LRRC51: variants seen among roughly 807,000 people sequenced by gnomAD.
The protein encoded by LRRC51 is leucine-rich repeat-containing protein 51.
Under a neutral mutation model 17.8 loss-of-function variants are expected in LRRC51, and 8 were observed. The observed-to-expected ratio is 0.45, with a 90% CI of 0.26 to 0.81. The LOEUF (loss-of-function observed/expected upper bound fraction) is 0.81. LRRC51 is among the 30% of genes least tolerant of loss of function. The probability of loss-of-function intolerance (pLI) is 0.17; values close to 1 mark genes in which losing one functional copy is unlikely to be tolerated. For synonymous variants in LRRC51, 92 were observed against 96.0 expected, an observed-to-expected ratio of 0.96 and a Z score of 0.24; for missense variants, 233 against 239.3, an observed-to-expected ratio of 0.97 and a Z score of 0.17.
rs764275712 is a variant in LRRC51 at position 72,096,758 on chromosome 11, C to T, written c.*1238C>T. On this transcript the variant is annotated 3_prime_UTR_variant, in exon 6 of 6. Coordinates refer to ENST00000289488, the MANE Select transcript of LRRC51 (RefSeq NM_145309.6). ...TCTGTAGAGATGCCTCACAGGCCTCCATGACAGGCCAAGAAGATGGCCTAT... is the reference window on the plus strand; with the variant it reads ...TCTGTAGAGATGCCTCACAGGCCTCTATGACAGGCCAAGAAGATGGCCTAT... 4 of 1,488,508 alleles carry T rather than the reference C, an allele frequency of 2.7e-6. No homozygotes were observed. The South Asian group carries it at 5.3e-5, about 20-fold the overall frequency. 92.2% of individuals were successfully genotyped at this position (1,488,508 alleles called of 1,614,324 possible).
intron 3 of LRRC51, among the ~76,000 whole-genome samples, chr11:72,089,958 G>T (rs1448468521): frequency 6.6e-6 from 1 of 152,196 alleles, no homozygotes; most frequent in Non-Finnish European, 1.5e-5. Context: ...TAAAGCATCA[G>T]TCCATCTGTC....
At chr11:72,082,866 T>A (rs1225855747) in intron 1 of LRRC51, among the ~76,000 whole-genome samples, 1 of 150,234 alleles carries the variant, frequency 6.7e-6, no homozygotes, top group Non-Finnish European at 1.5e-5. Context: ...CACCCCCAAT[T>A]TTTTTTTTTT....
In LRRC51 at chr11:72,093,544, CA is replaced by C. The variant is rs748988495; in HGVS notation, c.134del (p.Lys45SerfsTer6). 6.2e-7 allele frequency: 1 copy of C among 1,614,194 alleles called. No individual in the cohort carries two copies. On this transcript the variant is annotated frameshift_variant, in exon 4 of 6. Coordinates refer to ENST00000289488, the MANE Select transcript of LRRC51 (RefSeq NM_145309.6). LOFTEE classifies it high-confidence loss of function. ...PRTGLRPLKR[S>X]KSGKSLTQSL... ...ACAGGACTACGACCACTGAAGCGTT[CA>C]AAGTCGGGGAAATCACTGACCCAGT...
intron 1 of LRRC51, chr11:72,086,498 A>T: frequency 1.4e-6 from 1 of 700,396 alleles, no homozygotes; most frequent in Non-Finnish European, 2.6e-6. Flanking sequence ...CTGAAACAGA[A>T]ATCCTCAGAA....
chr11:72,082,677 T>C (rs933628695), intron 1 of LRRC51, among the ~76,000 whole-genome samples: 3 of 152,198 alleles, frequency 2.0e-5, no homozygotes, highest in Admixed American at 1.3e-4. Context: ...TTCCATTTAC[T>C]TAATACCTCT....
chr11:72,089,164 A>G lies in LRRC51; in HGVS notation c.81A>G (p.Gln27=), dbSNP rs1944709384. The G allele has an allele frequency of 1.9e-6, 3 of 1,614,160 alleles. No homozygotes were observed. The highest frequency in any genetic ancestry group is 2.5e-6 in the Non-Finnish European group (3 of 1,180,006). ...DYSFRSIHVI[Q]DLVNEEPRTG... ...CCTTCAGAAGCATCCACGTCATTCA[A>G]GGTCAGCCCCCAGAGCACAGTACTC... is the stretch of plus-strand genomic sequence containing the variant. The change falls in exon 3 of 6, where the codon CAA becomes CAG. Residue 27 remains glutamine (Q), a splice_region_variant and synonymous_variant. Coordinates refer to ENST00000289488, the MANE Select transcript of LRRC51 (RefSeq NM_145309.6).
rs369105155 is a variant in LRRC51 at position 72,093,694 on chromosome 11, T to C, written c.281T>C (p.Ile94Thr). The C allele has an allele frequency of 5.9e-5, 96 of 1,614,092 alleles. No homozygotes were observed. The African/African-American group carries it at 8.3e-4, about 14-fold the overall frequency. Residue 94 changes from isoleucine to threonine, a missense_variant, in exon 4 of 6, where the codon ATT becomes ACT. Ile to Thr is a moderately conservative substitution (Grantham distance 89). Coordinates refer to ENST00000289488, the MANE Select transcript of LRRC51 (RefSeq NM_145309.6). Reference protein sequence around the residue: ...IDLSFNDLTSIDPVLTTFFNL... With the variant: ...IDLSFNDLTSTDPVLTTFFNL... ...CTGTCCTTTAATGACCTGACTTCCATTGACCCTGTGAGTTCCTAACAGTAG... is the reference window on the plus strand; with the variant it reads ...CTGTCCTTTAATGACCTGACTTCCACTGACCCTGTGAGTTCCTAACAGTAG...
At chr11:72,087,701 T>C (rs1342445656) in intron 1 of LRRC51, among the ~76,000 whole-genome samples, 2 of 152,188 alleles carry the variant, frequency 1.3e-5, no homozygotes, top group African/African-American at 4.8e-5. Flanking sequence ...TCACGTACAT[T>C]TGACAGGTAG....
chr11:72,094,480 C>G (rs1945054425), intron 4 of LRRC51: 1 of 565,910 alleles, frequency 1.8e-6, no homozygotes, highest in Non-Finnish European at 3.1e-6. Flanking sequence ...TAAAGTTTGG[C>G]CTTTTCTAGT....
chr11:72,089,602 C>CA (rs748292427), intron 3 of LRRC51: 186 of 1,184,652 alleles, frequency 1.6e-4, no homozygotes, highest in Non-Finnish European at 1.9e-4. Context: ...AGCAAGTAGG[C>CA]AAAACCTTTC....
chr11:72,093,398 C>A, intron 3 of LRRC51, 98 bp from the exon 4 acceptor site: 1 of 1,194,248 alleles, frequency 8.4e-7, no homozygotes, highest in Non-Finnish European at 1.2e-6. Context: ...GACCCTCCAG[C>A]TACAGCCTGG....
chr11:72,095,526 C>A lies in LRRC51; in HGVS notation c.*6C>A. 6.2e-7 allele frequency: 1 copy of A among 1,613,294 alleles called. No homozygotes were observed. The highest frequency in any genetic ancestry group is 2.2e-5 in the East Asian group (1 of 44,860). On this transcript the variant is annotated 3_prime_UTR_variant, in exon 6 of 6. Coordinates refer to ENST00000289488, the MANE Select transcript of LRRC51 (RefSeq NM_145309.6). ...CCAAGCAGAATACACTTTGAGGCTCCCACGACCCTAGTAGTCCTAAAGGCC... is the reference window on the plus strand; with the variant it reads ...CCAAGCAGAATACACTTTGAGGCTCACACGACCCTAGTAGTCCTAAAGGCC...
chr11:72,089,473 C>A, intron 3 of LRRC51: 1 of 1,305,050 alleles, frequency 7.7e-7, no homozygotes, highest in Non-Finnish European at 9.9e-7. Flanking sequence ...TAAAAGAAGC[C>A]AGGCTACAGC....
At chr11:72,091,051 G>A (rs1944829131) in intron 3 of LRRC51, among the ~76,000 whole-genome samples, 1 of 152,170 alleles carries the variant, frequency 6.6e-6, no homozygotes, top group African/African-American at 2.4e-5. Context: ...GCAGTGTAGT[G>A]CATTGGTGGA....
In LRRC51 at chr11:72,096,563, G is replaced by A; in HGVS notation, c.*1043G>A. 1 of 1,370,100 alleles carries A rather than the reference G, an allele frequency of 7.3e-7. No homozygotes were observed. Among genetic ancestry groups the A allele is most frequent in the Non-Finnish European group, 9.4e-7 (1 of 1,060,748 alleles). The allele number at this position is 1,370,100 out of a possible 1,614,324, so 84.9% of individuals were successfully genotyped here. A position where few individuals can be genotyped will look rare whatever the true frequency, so the allele number is the denominator to read the frequency against. On this transcript the variant is annotated 3_prime_UTR_variant, in exon 6 of 6. Coordinates refer to ENST00000289488, the MANE Select transcript of LRRC51 (RefSeq NM_145309.6). ...GCTCTAGTCTTATTTTGCTGAAAAA[G>A]GGAGGCAATTGAGGGAAAGGCCTGC... is the stretch of plus-strand genomic sequence containing the variant.
In LRRC51 at chr11:72,096,531, C is replaced by G. The variant is rs891187808; in HGVS notation, c.*1011C>G. ...AGGATTACAGGATAAGCCACTGCACCTGGCCAGCTCTAGTCTTATTTTGCT... is the reference window on the plus strand; with the variant it reads ...AGGATTACAGGATAAGCCACTGCACGTGGCCAGCTCTAGTCTTATTTTGCT... On this transcript the variant is annotated 3_prime_UTR_variant, in exon 6 of 6. Coordinates refer to ENST00000289488, the MANE Select transcript of LRRC51 (RefSeq NM_145309.6). 2.3e-6 allele frequency: 3 copies of G among 1,315,208 alleles called. No homozygotes were observed. Among genetic ancestry groups the G allele is most frequent in the South Asian group, 4.1e-5 (2 of 49,152 alleles). 81.5% of individuals were successfully genotyped at this position (1,315,208 alleles called of 1,614,324 possible).
rs1318586067 is a variant in LRRC51 at position 72,096,690 on chromosome 11, A to G, written c.*1170A>G. ...TTTTCAGCTTAGAGATTTGGGGGTTAAAGTAGATCAGTAATTTCCAAACTC... is the reference window on the plus strand; with the variant it reads ...TTTTCAGCTTAGAGATTTGGGGGTTGAAGTAGATCAGTAATTTCCAAACTC... On this transcript the variant is annotated 3_prime_UTR_variant, in exon 6 of 6. Coordinates refer to ENST00000289488, the MANE Select transcript of LRRC51 (RefSeq NM_145309.6). 20 of 1,548,036 alleles carry G rather than the reference A, an allele frequency of 1.3e-5. No homozygotes were observed. The highest frequency in any genetic ancestry group is 1.7e-5 in the Non-Finnish European group (20 of 1,145,248).
chr11:72,095,143 A>G (rs1279814854), intron 5 of LRRC51, 47 bp downstream of exon 5: 2 of 1,603,322 alleles, frequency 1.2e-6, no homozygotes, highest in Non-Finnish European at 1.7e-6. Context: ...GCTCCCCTAA[A>G]GGAAAGGAGG....
At chr11:72,090,888 A>G (rs1328566118) in intron 3 of LRRC51, among the ~76,000 whole-genome samples, 1 of 152,234 alleles carries the variant, frequency 6.6e-6, no homozygotes, top group Non-Finnish European at 1.5e-5. Context: ...CAAGAGCTAC[A>G]TGGCAGCCTT....
Sources: allele counts gnomAD v4.1 joint callset (sites outside exome capture counted in the v4.1 genomes callset), GRCh38; gene constraint gnomAD v4.1.1; transcripts MANE v1.5; gene names NCBI Gene and HGNC (gene_info 2026-07-23, HGNC 2026-07-21).